Variants in TTC7A observed in about 807,000 individuals in gnomAD.
The protein encoded by TTC7A is tetratricopeptide repeat protein 7A.
In TTC7A, 110 loss-of-function variants were observed where a neutral mutation model predicts 103.7. The observed-to-expected ratio is 1.06, with a 90% CI of 0.91 to 1.24. The LOEUF is 1.24. Ranked by LOEUF, TTC7A falls within the 50% of genes most tolerant of loss-of-function variation. The pLI is 0.00. For missense variants in TTC7A, 1,340 were observed against 1,116.3 expected (o/e 1.20, Z -2.86); for synonymous variants, 521 against 467.9 (o/e 1.11, Z -1.47).
intron 15 of TTC7A, among the ~76,000 whole-genome samples, chr2:47,038,120 G>T: frequency 6.6e-6 from 1 of 152,054 alleles, no homozygotes; most frequent in East Asian, 1.9e-4. Flanking sequence ...TAAGCCAGGC[G>T]TGGTGGCGCA....
chr2:47,019,747 A>G (rs547830904), intron 11 of TTC7A, among the ~76,000 whole-genome samples: 7 of 152,244 alleles, frequency 4.6e-5, no homozygotes, highest in African/African-American at 1.4e-4. Context: ...TGCTGAGCAG[A>G]AGGACATGGC....
chr2:47,061,015 C>T lies in TTC7A; in HGVS notation c.2355+44C>T, dbSNP rs564101237. 2.6e-4 allele frequency: 394 copies of T among 1,530,106 alleles called. 7 individuals carry two copies. The South Asian group carries it at 3.8e-3, about 15-fold the overall frequency. The allele number at this position is 1,530,106 out of a possible 1,614,324, so 94.8% of individuals were successfully genotyped here. A position where few individuals can be genotyped will look rare whatever the true frequency, so the allele number is the denominator to read the frequency against. On this transcript the variant is annotated intron_variant, in intron 19 of 19. Transcript: ENST00000319190. ...CGCTCCCACCACCTCCTCCCACAGC[C>T]TCAGGGCCCTTATCCCGCTTTGTCC...
chr2:47,048,154 A>C (rs1436753952), intron 16 of TTC7A, among the ~76,000 whole-genome samples: 2 of 152,142 alleles, frequency 1.3e-5, no homozygotes, highest in Non-Finnish European at 2.9e-5. Flanking sequence ...CCCCTCCTTC[A>C]TGGAGCCACC....
At chr2:47,058,224 C>G (rs1683479721) in intron 18 of TTC7A, among the ~76,000 whole-genome samples, 1 of 152,250 alleles carries the variant, frequency 6.6e-6, no homozygotes, top group Admixed American at 6.5e-5. Flanking sequence ...CCGCATTTCT[C>G]TCCCATATCC....
rs1269197940 is a variant in TTC7A at position 46,931,523 on chromosome 2, C to T, written c.82+14246C>T. On this transcript the variant is annotated intron_variant, in intron 2 of 20. Transcript: ENST00000409245. ...CTTTCTAAGAGGGAAACAGGAGGGTCAGAGTCAGAGTAGAGGTGCCCATGG... is the reference window on the plus strand; with the variant it reads ...CTTTCTAAGAGGGAAACAGGAGGGTTAGAGTCAGAGTAGAGGTGCCCATGG... Among the ~76,000 whole-genome samples the T allele has an allele frequency of 1.3e-5, 2 of 149,672 alleles. 1 individual carries two copies. The highest frequency in any genetic ancestry group is 3.9e-4 in the East Asian group (2 of 5,182).
At chr2:47,006,239 G>A (rs1677365229) in intron 9 of TTC7A, among the ~76,000 whole-genome samples, 180 bp downstream of exon 9, 1 of 152,236 alleles carries the variant, frequency 6.6e-6, no homozygotes, top group Admixed American at 6.5e-5. Flanking sequence ...GGTAGTTAGA[G>A]AACCCACCTG....
intron 15 of TTC7A, among the ~76,000 whole-genome samples, chr2:47,036,732 C>T (rs773252718): frequency 2.6e-5 from 4 of 152,182 alleles, no homozygotes; most frequent in African/African-American, 4.8e-5. Context: ...GTGGCACACA[C>T]CTGTAGTCCC....
intron 19 of TTC7A, among the ~76,000 whole-genome samples, chr2:47,067,497 G>C (rs770146950): frequency 6.6e-6 from 1 of 152,224 alleles, no homozygotes; most frequent in Non-Finnish European, 1.5e-5. Context: ...GGAGTGCCTG[G>C]CAGAGACAGG....
intron 11 of TTC7A, among the ~76,000 whole-genome samples, chr2:47,014,993 A>G (rs1185266855): frequency 6.6e-6 from 1 of 152,254 alleles, no homozygotes; most frequent in African/African-American, 2.4e-5. Flanking sequence ...GTGCATGGTC[A>G]CGTGCTGGCT....
chr2:46,985,955 G>C (rs1674966567), intron 5 of TTC7A, among the ~76,000 whole-genome samples: 1 of 152,190 alleles, frequency 6.6e-6, no homozygotes, highest in Admixed American at 6.5e-5. Flanking sequence ...GTAGGTTTTA[G>C]CAACGTCTCT....
intron 3 of TTC7A, among the ~76,000 whole-genome samples, chr2:46,965,085 TG>T (rs1212155895): frequency 6.6e-6 from 1 of 152,166 alleles, no homozygotes; most frequent in Non-Finnish European, 1.5e-5. Flanking sequence ...AGTCAAAAGG[TG>T]AAATGCCCTC....
rs1024903767 is a variant in TTC7A at position 46,955,602 on chromosome 2, A to G, written c.349-1237A>G. Among the ~76,000 whole-genome samples, 13 of 152,262 alleles carry G rather than the reference A, an allele frequency of 8.5e-5. No individual in the cohort carries two copies. The East Asian group carries it at 2.1e-3, about 25-fold the overall frequency. ...AAGGGGACCTGAGGAAGCACAGGCA[A>G]AAGAGGAATGTGGATTTACAAAGGC... is the stretch of plus-strand genomic sequence containing the variant. On this transcript the variant is annotated intron_variant, in intron 2 of 19. Transcript: ENST00000319190.
At chr2:46,994,189 G>A in intron 6 of TTC7A, 168 bp from the exon 7 acceptor site, 1 of 722,756 alleles carries the variant, frequency 1.4e-6, no homozygotes, top group Non-Finnish European at 2.3e-6. Context: ...GTGTTGGAGG[G>A]ACTGAAGGAG....
intron 19 of TTC7A, among the ~76,000 whole-genome samples, chr2:47,066,555 C>T (rs1684197089): frequency 6.6e-6 from 1 of 152,164 alleles, no homozygotes; most frequent in Non-Finnish European, 1.5e-5. Context: ...CTGGCTGGCC[C>T]TCTCCCCCAT....
Position 47,060,786 on chromosome 2 carries a change from C to A in TTC7A, c.2170C>A (p.Gln724Lys), listed in dbSNP as rs140166160. Residue 724 changes from glutamine to lysine, a missense_variant, in exon 19 of 20, where the codon CAG (glutamine) becomes AAG (lysine). Transcript: ENST00000319190. ...WLQAAELFMEQQHLKEAGFCI... is the reference protein window; with the variant it reads ...WLQAAELFMEKQHLKEAGFCI... ...TTTTGCAGCTGAGCTGTTCATGGAG[C>A]AGCAGCACCTCAAGGAAGCAGGTTT... is the stretch of plus-strand genomic sequence containing the variant. 11,082 of 1,609,952 alleles carry A rather than the reference C, an allele frequency of 6.9e-3. 56 individuals carry two copies. Among genetic ancestry groups the A allele is most frequent in the Non-Finnish European group, 8.2e-3 (9,601 of 1,177,004 alleles).
rs1670439026 is a variant in TTC7A at position 46,941,885 on chromosome 2, C to T, written c.184+160C>T. ...AGGGCAGTTAGGAAGGTCCTTCTGC[C>T]GCGAGAGAAAAATCACATGTGGTTT... is the stretch of plus-strand genomic sequence containing the variant. On this transcript the variant is annotated intron_variant, in intron 1 of 19. Coordinates refer to ENST00000319190, the MANE Select transcript of TTC7A (RefSeq NM_020458.4). This position sits in a 1 kb window ranked among gnomAD's most constrained non-coding sequence, Gnocchi z 4.2. 6.7e-6 allele frequency: 6 copies of T among 891,804 alleles called. No homozygotes were observed. The highest frequency in any genetic ancestry group is 1.8e-5 in the South Asian group (1 of 56,856). The allele number at this position is 891,804 out of a possible 1,614,324, so 55.2% of individuals were successfully genotyped here. A position where few individuals can be genotyped will look rare whatever the true frequency, so the allele number is the denominator to read the frequency against.
At chr2:46,982,831 G>C (rs930157827) in intron 5 of TTC7A, among the ~76,000 whole-genome samples, 2 of 152,062 alleles carry the variant, frequency 1.3e-5, no homozygotes, top group Non-Finnish European at 2.9e-5. Context: ...GCTGGACATC[G>C]TGGTGTGCAC....
At chr2:46,964,624 C>A (rs1672679557) in intron 3 of TTC7A, among the ~76,000 whole-genome samples, 1 of 152,146 alleles carries the variant, frequency 6.6e-6, no homozygotes, top group Non-Finnish European at 1.5e-5. Flanking sequence ...CTTTGTGGAT[C>A]CAGGGTAACA....
chr2:46,954,432 A>C (rs544851663), intron 2 of TTC7A, among the ~76,000 whole-genome samples: 1 of 152,296 alleles, frequency 6.6e-6, no homozygotes, highest in East Asian at 1.9e-4. Context: ...TGGACTCTTA[A>C]TGTTGCCAAG....
Sources: allele counts gnomAD v4.1 joint callset (sites outside exome capture counted in the v4.1 genomes callset), GRCh38; gene constraint gnomAD v4.1.1; non-coding constraint Gnocchi (gnomAD v3.1); transcripts MANE v1.5; gene names NCBI Gene and HGNC (gene_info 2026-07-23, HGNC 2026-07-21).